GPC5: variants seen among roughly 807,000 people sequenced by gnomAD.
GPC5 encodes glypican 5, also known as glypican-5.
In GPC5, 47 loss-of-function variants were observed where a neutral mutation model predicts 53.9. The observed-to-expected ratio is 0.87, with a 90% CI of 0.69 to 1.11. The LOEUF is 1.11. Among genes scored for constraint, GPC5 ranks in the 50% most tolerant of loss-of-function variants. GPC5 has a pLI of 0.00. For synonymous variants in GPC5, 286 were observed against 263.3 expected, an observed-to-expected ratio of 1.09 and a Z score of -0.84; for missense variants, 748 against 713.1, an observed-to-expected ratio of 1.05 and a Z score of -0.56.
rs1884094326 is a variant in GPC5, at chr13:92,602,235, TA to T, written c.1562-264046del. On this transcript the variant is annotated intron_variant, in intron 7 of 7. Transcript: ENST00000377067. The stretch of plus-strand genomic sequence containing the variant: ...CATATATATAAATATATATATAACA[TA>T]TATATATATATATATATATATATAT... Among the ~76,000 whole-genome samples the T allele has an allele frequency of 1.2e-4, 9 of 77,500 alleles. No homozygotes were observed. In the South Asian group the frequency reaches 2.4e-3, roughly 21 times the overall value. The allele number at this position is 77,500 out of a possible 152,430, so 50.8% of individuals were successfully genotyped here.
chr13:92,560,780 G>A (rs560855848), intron 7 of GPC5, among the ~76,000 whole-genome samples: 31 of 151,658 alleles, frequency 2.0e-4, no homozygotes, highest in Admixed American at 1.3e-4. Context: ...AGATGTGTCC[G>A]TTTTATAGTG....
At chr13:91,619,716 T>C (rs1269413887) in intron 2 of GPC5, among the ~76,000 whole-genome samples, 1 of 152,068 alleles carries the variant, frequency 6.6e-6, no homozygotes, top group East Asian at 1.9e-4. Flanking sequence ...ATGCTACTGA[T>C]TCATTTTTAT....
At chr13:91,791,353 C>A (rs2037961154) in intron 5 of GPC5, among the ~76,000 whole-genome samples, 1 of 152,128 alleles carries the variant, frequency 6.6e-6, no homozygotes, top group Non-Finnish European at 1.5e-5. Context: ...TACCTAGATG[C>A]TCCCTGGAAA....
intron 6 of GPC5, among the ~76,000 whole-genome samples, chr13:92,131,455 C>T (rs925404512): frequency 6.6e-6 from 1 of 151,870 alleles, no homozygotes; most frequent in African/African-American, 2.4e-5. Context: ...CATCTAATAA[C>T]ACAGTTATAT....
chr13:92,656,418 G>A (rs1369296597), intron 7 of GPC5, among the ~76,000 whole-genome samples: 1 of 152,072 alleles, frequency 6.6e-6, no homozygotes, highest in Non-Finnish European at 1.5e-5. Context: ...AGGGAAAGGC[G>A]GATTCCAGTT....
chr13:92,600,155 A>G (rs920923417), intron 7 of GPC5, among the ~76,000 whole-genome samples: 1 of 152,048 alleles, frequency 6.6e-6, no homozygotes. Context: ...GTGTTTTTCA[A>G]GTGTCTTTGT....
At chr13:92,647,740 T>G (rs933482801) in intron 7 of GPC5, among the ~76,000 whole-genome samples, 5 of 152,288 alleles carry the variant, frequency 3.3e-5, no homozygotes, top group African/African-American at 1.2e-4. Context: ...CCACATGGTA[T>G]CTTTAATTGA....
chr13:91,711,454 G>A (rs998244432), intron 3 of GPC5, among the ~76,000 whole-genome samples: 6 of 151,990 alleles, frequency 3.9e-5, no homozygotes, highest in Non-Finnish European at 8.8e-5. Flanking sequence ...GGGCCTGTCA[G>A]GGGGTGGGGG....
intron 2 of GPC5, among the ~76,000 whole-genome samples, chr13:91,583,493 G>T (rs1435381445): frequency 6.6e-6 from 1 of 152,098 alleles, no homozygotes; most frequent in Non-Finnish European, 1.5e-5. Context: ...TGGCACAAAA[G>T]TATCAAATGT....
At chr13:91,688,870 G>A (rs1566610788) in intron 2 of GPC5, among the ~76,000 whole-genome samples, 1 of 151,840 alleles carries the variant, frequency 6.6e-6, no homozygotes, top group Non-Finnish European at 1.5e-5. Flanking sequence ...ACATAGAAAA[G>A]ATACAGTGAA....
chr13:91,746,743 T>G (rs993325128), intron 4 of GPC5, among the ~76,000 whole-genome samples: 2 of 152,178 alleles, frequency 1.3e-5, no homozygotes, highest in Admixed American at 1.3e-4. Flanking sequence ...AAATATAAAT[T>G]TACTTAATGA....
chr13:91,399,239 G>C lies in GPC5; in HGVS notation c.163+30G>C, dbSNP rs752276025. On this transcript the variant is annotated intron_variant, in intron 1 of 7. Transcript: ENST00000377067. Reference sequence around the variant, plus strand: ...GGGGCAATGAGGGGGTCTCTGGACTGGCGGCGTCCGAGCCCGGCCTTCGCT... The same window carrying C: ...GGGGCAATGAGGGGGTCTCTGGACTCGCGGCGTCCGAGCCCGGCCTTCGCT... The C allele has an allele frequency of 5.6e-6, 9 of 1,601,086 alleles. No homozygotes were observed. In the African/African-American group the frequency reaches 1.1e-4, roughly 19 times the overall value.
chr13:91,447,704 A>G (rs1204695326), intron 1 of GPC5, among the ~76,000 whole-genome samples: 1 of 152,198 alleles, frequency 6.6e-6, no homozygotes, highest in African/African-American at 2.4e-5. Flanking sequence ...GTCTGTGTGC[A>G]TGCACCTATT....
chr13:92,690,712 T>C, intron 7 of GPC5, among the ~76,000 whole-genome samples: 1 of 120,936 alleles, frequency 8.3e-6, no homozygotes, highest in Non-Finnish European at 1.7e-5. Flanking sequence ...CTACTTTTGG[T>C]CTTTGATGAT....
chr13:92,489,492 G>A (rs770419922), intron 7 of GPC5, among the ~76,000 whole-genome samples: 58 of 152,096 alleles, frequency 3.8e-4, no homozygotes, highest in Admixed American at 3.2e-3. Flanking sequence ...ATGAGATGGA[G>A]TGCTGATGTT....
At chr13:92,256,979 A>G (rs1310550738) in intron 7 of GPC5, among the ~76,000 whole-genome samples, 1 of 152,056 alleles carries the variant, frequency 6.6e-6, no homozygotes, top group African/African-American at 2.4e-5. Flanking sequence ...CTTCCCAGCC[A>G]CTGGCATCCA....
chr13:92,132,808 A>G (rs1179580175), intron 6 of GPC5, among the ~76,000 whole-genome samples: 1 of 152,134 alleles, frequency 6.6e-6, no homozygotes, highest in Non-Finnish European at 1.5e-5. Flanking sequence ...AACCCATAAC[A>G]TATAATTCAA....
chr13:91,901,715 G>C (rs2039499188), intron 5 of GPC5, among the ~76,000 whole-genome samples: 1 of 151,966 alleles, frequency 6.6e-6, no homozygotes, highest in African/African-American at 2.4e-5. Context: ...CTGATGAATA[G>C]ATACAACATA....
At chr13:91,697,594 G>A (rs930906345) in intron 3 of GPC5, among the ~76,000 whole-genome samples, 2 of 151,980 alleles carry the variant, frequency 1.3e-5, no homozygotes, top group African/African-American at 4.8e-5. Flanking sequence ...TATTAGACAA[G>A]TCTCTAACGT....
Sources: gnomAD v4.1 joint callset for allele counts (sites outside exome capture counted in the v4.1 genomes callset) on GRCh38, gnomAD v4.1.1 for gene constraint, MANE v1.5 for transcripts, NCBI Gene and HGNC (gene_info 2026-07-23, HGNC 2026-07-21) for gene names.